SEC61A2: variants seen among roughly 807,000 people sequenced by gnomAD.
SEC61A2 encodes SEC61 translocon subunit alpha 2, also known as protein transport protein Sec61 subunit alpha isoform 2.
SEC61A2 carries 28 observed loss-of-function variants against 59.9 expected under a neutral mutation model. The ratio of observed to expected loss-of-function variants is 0.47; its 90% confidence interval spans 0.35 to 0.64. The LOEUF (loss-of-function observed/expected upper bound fraction) is 0.64. Among genes scored for constraint, SEC61A2 ranks in the 30% least tolerant of loss-of-function variants. The pLI is 0.01. For missense variants in SEC61A2, 340 were observed against 585.9 expected (o/e 0.58, Z 4.33); for synonymous variants, 202 against 214.4 (o/e 0.94, Z 0.50).
chr10:12,131,055 C>G (rs1294653958), intron 1 of SEC61A2, among the ~76,000 whole-genome samples: 1 of 152,142 alleles, frequency 6.6e-6, no homozygotes, highest in Non-Finnish European at 1.5e-5. Flanking sequence ...CGCCAGTCAT[C>G]CCAGCTCCCC....
At chr10:12,137,365 G>T (rs1307208786) in intron 3 of SEC61A2, among the ~76,000 whole-genome samples, 2 of 151,978 alleles carry the variant, frequency 1.3e-5, no homozygotes, top group Non-Finnish European at 2.9e-5. Context: ...CTGTCACCCA[G>T]GCTGCAGTGA....
intron 6 of SEC61A2, among the ~76,000 whole-genome samples, chr10:12,150,751 A>G (rs1048870509): frequency 4.6e-5 from 7 of 152,022 alleles, no homozygotes; most frequent in African/African-American, 1.7e-4. Flanking sequence ...TTAAAGGTCA[A>G]CATAATTATT....
At position 12,164,756 on chromosome 10, in the gene SEC61A2, G is replaced by A. The variant is rs1296922571; in HGVS notation, c.*302G>A. 1.3e-5 allele frequency: 15 copies of A among 1,131,740 alleles called. No individual in the cohort carries two copies. The highest frequency in any genetic ancestry group is 1.6e-5 in the Non-Finnish European group (15 of 923,506). The allele number at this position is 1,131,740 out of a possible 1,614,324, so 70.1% of individuals were successfully genotyped here. A position where few individuals can be genotyped will look rare whatever the true frequency, so the allele number is the denominator to read the frequency against. The stretch of plus-strand genomic sequence containing the variant: ...GACAGTGAGACGGTGAGATGGATTC[G>A]TTTTGCACACAACATTCAAAACACT... On this transcript the variant is annotated 3_prime_UTR_variant, in exon 12 of 12. Coordinates refer to ENST00000298428, the MANE Select transcript of SEC61A2 (RefSeq NM_018144.4). This position sits in a 1 kb window ranked among gnomAD's most constrained non-coding sequence, Gnocchi z 7.3.
rs1438051695 is a variant in SEC61A2, at chr10:12,162,357, T to C, written c.1244+68T>C. On this transcript the variant is annotated intron_variant, in intron 11 of 11. Transcript: ENST00000298428. The surrounding 1 kb of genome is among the most constrained non-coding windows in gnomAD (Gnocchi z 6.1). ...TTTCAGTCTTTCAGTGTTGGCTAAATGTTTTTCTTTGTTCAAGTTCATATT... is the reference window on the plus strand; with the variant it reads ...TTTCAGTCTTTCAGTGTTGGCTAAACGTTTTTCTTTGTTCAAGTTCATATT... 2 of 1,255,558 alleles carry C rather than the reference T, an allele frequency of 1.6e-6. No homozygotes were observed. The highest frequency in any genetic ancestry group is 1.2e-6 in the Non-Finnish European group (1 of 853,262). The allele number at this position is 1,255,558 out of a possible 1,614,324, so 77.8% of individuals were successfully genotyped here.
intron 1 of SEC61A2, among the ~76,000 whole-genome samples, chr10:12,132,809 C>T (rs763034515): frequency 2.0e-5 from 3 of 152,172 alleles, no homozygotes; most frequent in Non-Finnish European, 2.9e-5. Context: ...CATTGTCTCA[C>T]GGGTACCACG....
Position 12,155,909 on chromosome 10 carries a change from C to T in SEC61A2, c.594C>T (p.Pro198=). 1 of 1,614,220 alleles carries T rather than the reference C, an allele frequency of 6.2e-7. No individual in the cohort carries two copies. The highest frequency in any genetic ancestry group is 2.2e-5 in the East Asian group (1 of 44,884). ...CCATTGTCTGGAAGGCCTTTAGTCC[C>T]ACTACCATTAACACTGGCAGAGGTA... ...CETIVWKAFS[P]TTINTGRGTE... is the part of the protein sequence containing the mutation. The change falls in exon 7 of 12, where the codon CCC becomes CCT. Residue 198 remains proline, a synonymous_variant. Coordinates refer to ENST00000298428, the MANE Select transcript of SEC61A2 (RefSeq NM_018144.4). The surrounding 1 kb of genome is among the most constrained non-coding windows in gnomAD (Gnocchi z 4.3).
intron 8 of SEC61A2, 66 bp downstream of exon 8, chr10:12,157,133 C>A (rs1834417607): frequency 1.4e-6 from 2 of 1,447,416 alleles, no homozygotes; most frequent in South Asian, 1.2e-5. Flanking sequence ...AAAGAGAATG[C>A]CATCTGACAT....
Position 12,153,620 on chromosome 10 carries a change from T to C in SEC61A2, c.463-2158T>C, listed in dbSNP as rs1834330888. The C allele has an allele frequency of 8.9e-7, 1 of 1,127,632 alleles. No homozygotes were observed. Among genetic ancestry groups the C allele is most frequent in the African/African-American group, 1.6e-5 (1 of 63,838 alleles). 69.9% of individuals were successfully genotyped at this position (1,127,632 alleles called of 1,614,324 possible). ...TGAAGTGGATGTACACTGATTCATT[T>C]ACATGAATTCTGATACACAAATATG... On this transcript the variant is annotated intron_variant, in intron 6 of 11. Coordinates refer to ENST00000298428, the MANE Select transcript of SEC61A2 (RefSeq NM_018144.4). The surrounding 1 kb of genome is among the most constrained non-coding windows in gnomAD (Gnocchi z 5.2).
In SEC61A2 at chr10:12,157,040, T is replaced by C. The variant is rs199500185; in HGVS notation, c.750T>C (p.Phe250=). 8.2e-5 allele frequency: 132 copies of C among 1,614,062 alleles called. No homozygotes were observed. Among genetic ancestry groups the C allele is most frequent in the Admixed American group, 1.8e-4 (11 of 59,992 alleles). ...TCATGAACCTCATTGCTACAGTTTTTGTGTTTGCTGTTGTTATATATTTCC... is the reference window on the plus strand; with the variant it reads ...TCATGAACCTCATTGCTACAGTTTTCGTGTTTGCTGTTGTTATATATTTCC... ...PNLMNLIATV[F]VFAVVIYFQG... The change falls in exon 8 of 12, where the codon TTT becomes TTC. Residue 250 remains phenylalanine, a synonymous_variant. Transcript: ENST00000298428.
Position 12,153,747 on chromosome 10 carries a change from AC to A in SEC61A2, c.463-2030del, listed in dbSNP as rs1332375622. ...TTGGTGTCTTTTCAAGGCGTTACTAACATTGAAAATATGTGGATACACTGAA... is the reference window on the plus strand; with the variant it reads ...TTGGTGTCTTTTCAAGGCGTTACTAAATTGAAAATATGTGGATACACTGAA... On this transcript the variant is annotated intron_variant, in intron 6 of 11. Transcript: ENST00000298428. The surrounding 1 kb of genome is among the most constrained non-coding windows in gnomAD (Gnocchi z 5.2). 1 of 1,611,586 alleles carries A rather than the reference AC, an allele frequency of 6.2e-7. No homozygotes were observed. The highest frequency in any genetic ancestry group is 2.2e-5 in the East Asian group (1 of 44,806).
In SEC61A2 at chr10:12,158,408, G is replaced by T. The variant is rs1251520465; in HGVS notation, c.975+303G>T. On this transcript the variant is annotated intron_variant, in intron 9 of 11. Coordinates refer to ENST00000298428, the MANE Select transcript of SEC61A2 (RefSeq NM_018144.4). The surrounding 1 kb of genome is among the most constrained non-coding windows in gnomAD (Gnocchi z 5.7). ...TTTCCTATTTTGTCATCTTATTCCA[G>T]TATTGTCTACAATAATGCTTTCTAA... 6 of 327,212 alleles carry T rather than the reference G, an allele frequency of 1.8e-5. No individual in the cohort carries two copies. Among genetic ancestry groups the T allele is most frequent in the Non-Finnish European group, 2.3e-5 (4 of 173,778 alleles). 20.3% of individuals were successfully genotyped at this position (327,212 alleles called of 1,614,324 possible). A position where few individuals can be genotyped will look rare whatever the true frequency, so the allele number is the denominator to read the frequency against.
At position 12,143,110 on chromosome 10, in the gene SEC61A2, A is replaced by G; in HGVS notation, c.142-7A>G. On this transcript the variant is annotated splice_region_variant and splice_polypyrimidine_tract_variant and intron_variant, in intron 3 of 11. Transcript: ENST00000298428. This position sits in a 1 kb window ranked among gnomAD's most constrained non-coding sequence, Gnocchi z 4.8. ...AGTTTCATAAACTATTTTGTGTACTATTTTAGATCCCACTGTTTGGAATCA... is the reference window on the plus strand; with the variant it reads ...AGTTTCATAAACTATTTTGTGTACTGTTTTAGATCCCACTGTTTGGAATCA... 4 of 1,602,596 alleles carry G rather than the reference A, an allele frequency of 2.5e-6. No homozygotes were observed. Among genetic ancestry groups the G allele is most frequent in the Non-Finnish European group, 3.4e-6 (4 of 1,169,626 alleles).
rs1490629080 is a variant in SEC61A2, at chr10:12,153,954, A to G, written c.463-1824A>G. ...TCTTGACTAAAAATTTTAAAAAACTATTAGAGAATATCAGTGTGCATGGCA... is the reference window on the plus strand; with the variant it reads ...TCTTGACTAAAAATTTTAAAAAACTGTTAGAGAATATCAGTGTGCATGGCA... On this transcript the variant is annotated intron_variant, in intron 6 of 11. Transcript: ENST00000298428. The surrounding 1 kb of genome is among the most constrained non-coding windows in gnomAD (Gnocchi z 5.2). 16 of 653,632 alleles carry G rather than the reference A, an allele frequency of 2.4e-5. No homozygotes were observed. The highest frequency in any genetic ancestry group is 3.5e-5 in the Non-Finnish European group (14 of 405,224). The allele number at this position is 653,632 out of a possible 1,614,324, so 40.5% of individuals were successfully genotyped here.
intron 3 of SEC61A2, among the ~76,000 whole-genome samples, chr10:12,139,876 G>A (rs1833972242): frequency 6.6e-6 from 1 of 151,864 alleles, no homozygotes; most frequent in South Asian, 2.1e-4. Flanking sequence ...GGCTGAGGCA[G>A]GAGAATGGCG....
At position 12,136,098 on chromosome 10, in the gene SEC61A2, T is replaced by C; in HGVS notation, c.76-7T>C. 6.3e-7 allele frequency: 1 copy of C among 1,596,580 alleles called. No homozygotes were observed. The highest frequency in any genetic ancestry group is 8.6e-7 in the Non-Finnish European group (1 of 1,164,412). ...TGATTGATGATTCTTTACATTTTGT[T>C]GTACAGATCCAGTTTAGAGAGAAGG... On this transcript the variant is annotated splice_region_variant and splice_polypyrimidine_tract_variant and intron_variant, in intron 2 of 11. Coordinates refer to ENST00000298428, the MANE Select transcript of SEC61A2 (RefSeq NM_018144.4).
At chr10:12,135,647 C>T (rs956992573) in intron 2 of SEC61A2, among the ~76,000 whole-genome samples, 18 of 152,160 alleles carry the variant, frequency 1.2e-4, no homozygotes, top group Non-Finnish European at 1.5e-5. Context: ...CCACTTCTGT[C>T]ATTCCATATT....
At position 12,142,339 on chromosome 10, in the gene SEC61A2, A is replaced by G. The variant is rs1028123635; in HGVS notation, c.142-778A>G. The G allele has an allele frequency of 4.8e-5, 9 of 188,258 alleles. No homozygotes were observed. Among genetic ancestry groups the G allele is most frequent in the African/African-American group, 1.4e-4 (6 of 42,010 alleles). The allele number at this position is 188,258 out of a possible 1,614,324, so 11.7% of individuals were successfully genotyped here. A position where few individuals can be genotyped will look rare whatever the true frequency, so the allele number is the denominator to read the frequency against. On this transcript the variant is annotated intron_variant, in intron 3 of 11. Coordinates refer to ENST00000298428, the MANE Select transcript of SEC61A2 (RefSeq NM_018144.4). This position sits in a 1 kb window ranked among gnomAD's most constrained non-coding sequence, Gnocchi z 5.4. The stretch of plus-strand genomic sequence containing the variant: ...CCAAAAATGTCTCTAGATATTGCCA[A>G]ATGTCTTGGGTGGGGGCTAAAATCA...
In SEC61A2 at chr10:12,129,931, AC is replaced by A; in HGVS notation, c.7+138del. The A allele has an allele frequency of 1.2e-6, 1 of 801,996 alleles. No homozygotes were observed. The highest frequency in any genetic ancestry group is 1.7e-6 in the Non-Finnish European group (1 of 582,184). 49.7% of individuals were successfully genotyped at this position (801,996 alleles called of 1,614,324 possible). A position where few individuals can be genotyped will look rare whatever the true frequency, so the allele number is the denominator to read the frequency against. On this transcript the variant is annotated intron_variant, in intron 1 of 11. Transcript: ENST00000298428. The surrounding 1 kb of genome is among the most constrained non-coding windows in gnomAD (Gnocchi z 5.6). The stretch of plus-strand genomic sequence containing the variant: ...GCCGCTCCGGGCCTCAGCGGAGGGC[AC>A]GGGCCGGGGGCCTCCGCCGAGGCTC...
chr10:12,146,679 T>G (rs973327791), intron 4 of SEC61A2, among the ~76,000 whole-genome samples: 11 of 151,610 alleles, frequency 7.3e-5, no homozygotes, highest in Non-Finnish European at 8.8e-5. Context: ...CACCACGCCC[T>G]GCTAATTTTT....
Sources: allele counts gnomAD v4.1 joint callset (sites outside exome capture counted in the v4.1 genomes callset), GRCh38; gene constraint gnomAD v4.1.1; non-coding constraint Gnocchi (gnomAD v3.1); transcripts MANE v1.5; gene names NCBI Gene and HGNC (gene_info 2026-07-23, HGNC 2026-07-21).